TJP2: variants seen among roughly 807,000 people sequenced by gnomAD.
TJP2 encodes tight junction protein 2.
Under a neutral mutation model 133.1 loss-of-function variants are expected in TJP2, and 91 were observed. The observed-to-expected ratio is 0.68, with a 90% CI of 0.58 to 0.81. TJP2 has a LOEUF of 0.81. TJP2 is among the 40% of genes least tolerant of loss of function. TJP2 has a pLI of 0.00. For synonymous variants in TJP2, 592 were observed against 583.4 expected (o/e 1.01, Z -0.21); for missense variants, 1,541 against 1,565.6 (o/e 0.98, Z 0.26).
chr9:69,161,496 G>T (rs1288991407), intron 2 of TJP2, among the ~76,000 whole-genome samples: 1 of 151,980 alleles, frequency 6.6e-6, no homozygotes, highest in African/African-American at 2.4e-5. Context: ...CAAAGTGCTG[G>T]GATTACAGGC....
At chr9:69,194,431 T>C (rs1420922740) in intron 1 of TJP2, among the ~76,000 whole-genome samples, 3 of 152,180 alleles carry the variant, frequency 2.0e-5, no homozygotes, top group Non-Finnish European at 4.4e-5. Flanking sequence ...GCCATAGCAT[T>C]AGTTATACTA....
In TJP2 at chr9:69,234,553, CAAATTTGGTCATTTA is replaced by C; in HGVS notation, c.1780+7_1780+21del. 5.9e-6 allele frequency: 4 copies of C among 678,134 alleles called. No individual in the cohort carries two copies. In the Admixed American group the frequency reaches 1.1e-4, roughly 19 times the overall value. 42.0% of individuals were successfully genotyped at this position (678,134 alleles called of 1,614,324 possible). A position where few individuals can be genotyped will look rare whatever the true frequency, so the allele number is the denominator to read the frequency against. ...AGCTCAGAGCCGAGCCGATGGTGAG[CAAATTTGGTCATTTA>C]GTTTAGTTGGGGTGGGGGTGGGGAG... On this transcript the variant is annotated splice_region_variant and intron_variant, in intron 12 of 22. Transcript: ENST00000377245.
intron 22 of TJP2, chr9:69,253,567 C>T (rs1831495134): frequency 6.3e-6 from 1 of 159,902 alleles, no homozygotes; most frequent in African/African-American, 2.4e-5. Flanking sequence ...ATTCTCGTGC[C>T]TCAGCCTCCC....
chr9:69,248,250 G>C, intron 19 of TJP2, 26 bp downstream of exon 19: 1 of 1,562,224 alleles, frequency 6.4e-7, no homozygotes, highest in Non-Finnish European at 8.7e-7. Context: ...CCACGGGCAG[G>C]AACAGGAGAG....
chr9:69,123,964 T>C (rs1243277132), intron 1 of TJP2, among the ~76,000 whole-genome samples: 2 of 75,192 alleles, frequency 2.7e-5, no homozygotes, highest in African/African-American at 4.1e-5. Context: ...ACCTCCCAGG[T>C]TCACGCCATT....
At chr9:69,134,908 G>A (rs527311038) in intron 1 of TJP2, among the ~76,000 whole-genome samples, 1 of 151,780 alleles carries the variant, frequency 6.6e-6, no homozygotes, top group Non-Finnish European at 1.5e-5. Flanking sequence ...GCCTTTCCTG[G>A]ATGCATTGTG....
chr9:69,231,986 G>C (rs747323867), intron 11 of TJP2, among the ~76,000 whole-genome samples: 1 of 152,186 alleles, frequency 6.6e-6, no homozygotes, highest in Non-Finnish European at 1.5e-5. Context: ...TCAGGGGCTG[G>C]GAGATTTTCT....
Position 69,254,324 on chromosome 9 carries a change from A to G in TJP2, c.3523A>G (p.Lys1175Glu). The change falls in exon 23 of 23, where the codon AAG becomes GAG. Residue 1175 changes from lysine to glutamate, a missense_variant. Physicochemically the swap from Lys to Glu is moderately conservative, Grantham distance 56 (BLOSUM62 1). Coordinates refer to ENST00000377245, the MANE Select transcript of TJP2 (RefSeq NM_004817.4). ...EYRQQLSEHS[K>E]RGYYGQSARY... is the part of the protein sequence containing the mutation. ...CCGCCAGCAGCTGTCAGAACACTCC[A>G]AGCGCGGTTACTATGGCCAGTCTGC... 1 of 1,614,262 alleles carries G rather than the reference A, an allele frequency of 6.2e-7. No individual in the cohort carries two copies. The highest frequency in any genetic ancestry group is 1.6e-4 in the Middle Eastern group (1 of 6,062).
rs1831154474 is a variant in TJP2 at position 69,249,294 on chromosome 9, C to T, written c.2881-81C>T. 6 of 1,546,160 alleles carry T rather than the reference C, an allele frequency of 3.9e-6. No homozygotes were observed. The East Asian group carries it at 1.5e-4, about 38-fold the overall frequency. ...CAACTTCTGGACTTACTCAAGTTTG[C>T]AGAACTCCTCCAAAGCAGTCGAGTG... On this transcript the variant is annotated intron_variant, in intron 19 of 22. Transcript: ENST00000377245.
chr9:69,233,850 TTGTAAC>T (rs1829970965), intron 11 of TJP2, among the ~76,000 whole-genome samples: 1 of 152,242 alleles, frequency 6.6e-6, no homozygotes, highest in African/African-American at 2.4e-5. Flanking sequence ...TTTACTTGCT[TTGTAAC>T]TGTAAGGCTG....
chr9:69,177,668 G>A (rs1472319546), intron 1 of TJP2, among the ~76,000 whole-genome samples: 2 of 151,164 alleles, frequency 1.3e-5, no homozygotes, highest in African/African-American at 4.9e-5. Context: ...TTTTGGAGAT[G>A]GAGTCTTGCT....
chr9:69,233,374 A>G lies in TJP2; in HGVS notation c.1672-1065A>G, dbSNP rs1474318744. On this transcript the variant is annotated intron_variant, in intron 11 of 22. Coordinates refer to ENST00000377245, the MANE Select transcript of TJP2 (RefSeq NM_004817.4). ...TGACTGAAGAAAATATTTCATAGGA[A>G]TTTTATATCTTTATTTCTACAAAAT... Among the ~76,000 whole-genome samples the G allele has an allele frequency of 2.6e-5, 4 of 152,250 alleles. No homozygotes were observed. The South Asian group carries it at 8.3e-4, about 31-fold the overall frequency.
At chr9:69,142,604 G>A (rs1177002328) in intron 1 of TJP2, among the ~76,000 whole-genome samples, 3 of 152,018 alleles carry the variant, frequency 2.0e-5, no homozygotes, top group African/African-American at 7.2e-5. Flanking sequence ...AAAACAGACT[G>A]TACAGGGCAT....
chr9:69,233,702 A>G (rs566691711), intron 11 of TJP2, among the ~76,000 whole-genome samples: 1 of 152,200 alleles, frequency 6.6e-6, no homozygotes, highest in African/African-American at 2.4e-5. Context: ...GCTTGAACCC[A>G]GGAGGCGGAG....
rs1486710959 is a variant in TJP2, at chr9:69,218,375, G to A, written c.342+16G>A. ...CGCTGCTATTGTAAGTACTGGGTTT[G>A]CTTTCAGCTTGCCTTAATAGCATTT... On this transcript the variant is annotated intron_variant, in intron 4 of 22. Transcript: ENST00000377245. 2 of 1,606,512 alleles carry A rather than the reference G, an allele frequency of 1.2e-6. No individual in the cohort carries two copies. The highest frequency in any genetic ancestry group is 3.3e-5 in the Admixed American group (2 of 59,956).
intron 1 of TJP2, among the ~76,000 whole-genome samples, chr9:69,188,119 G>T (rs556322258): frequency 3.3e-5 from 5 of 152,300 alleles, no homozygotes; most frequent in African/African-American, 1.2e-4. Flanking sequence ...GTTCCCATGT[G>T]TTAAGTGGAA....
rs550350321 is a variant in TJP2 at position 69,253,849 on chromosome 9, T to C, written c.3408-360T>C. 5.7e-4 allele frequency: 193 copies of C among 336,224 alleles called. 2 individuals are homozygous for C. The highest frequency in any genetic ancestry group is 3.9e-3 in the African/African-American group (183 of 47,186). 20.8% of individuals were successfully genotyped at this position (336,224 alleles called of 1,614,324 possible). ...CTGAGTGGTAACACAGTCAACCAGG[T>C]TGCCTCTGGCAACAAAGAGTTCTTG... is the stretch of plus-strand genomic sequence containing the variant. On this transcript the variant is annotated intron_variant, in intron 22 of 22. Transcript: ENST00000377245.
intron 1 of TJP2, among the ~76,000 whole-genome samples, chr9:69,185,351 C>T (rs1388491107): frequency 2.0e-5 from 3 of 152,176 alleles, no homozygotes; most frequent in Non-Finnish European, 2.9e-5. Flanking sequence ...CGTGAGCCAC[C>T]GTGTCCGACC....
chr9:69,223,815 CT>C (rs1829109683), intron 5 of TJP2, among the ~76,000 whole-genome samples: 2 of 152,356 alleles, frequency 1.3e-5, no homozygotes, highest in South Asian at 4.1e-4. Context: ...GGCCACAACA[CT>C]TCTAATCTTT....
Sources: allele counts gnomAD v4.1 joint callset (sites outside exome capture counted in the v4.1 genomes callset), GRCh38; gene constraint gnomAD v4.1.1; transcripts MANE v1.5; gene names NCBI Gene and HGNC (gene_info 2026-07-23, HGNC 2026-07-21).